Variants in PTPRK observed in about 807,000 individuals in gnomAD.
PTPRK encodes receptor-type tyrosine-protein phosphatase kappa.
Under a neutral mutation model 178.0 loss-of-function variants are expected in PTPRK, and 75 were observed. The ratio of observed to expected loss-of-function variants is 0.42; its 90% CI spans 0.35 to 0.51. The LOEUF (loss-of-function observed/expected upper bound fraction) is 0.51, where lower values mean the gene tolerates loss of function less well. Ranked by LOEUF, PTPRK falls within the 20% of genes least tolerant of loss-of-function variation. The probability of loss-of-function intolerance (pLI) is 0.02; values close to 1 mark genes in which losing one functional copy is unlikely to be tolerated. For synonymous variants in PTPRK, 637 were observed against 620.6 expected (o/e 1.03, Z -0.39); for missense variants, 1,441 against 1,797.8 (o/e 0.80, Z 3.59).
At chr6:128,132,234 G>A (rs1163497275) in intron 7 of PTPRK, among the ~76,000 whole-genome samples, 2 of 152,108 alleles carry the variant, frequency 1.3e-5, no homozygotes, top group African/African-American at 4.8e-5. Context: ...GAGTGCAGTG[G>A]CGCGATCTTG....
intron 27 of PTPRK, 133 bp downstream of exon 27, chr6:127,976,524 G>A (rs1259502912): frequency 5.4e-6 from 6 of 1,103,494 alleles, no homozygotes; most frequent in African/African-American, 4.8e-5. Flanking sequence ...GGCATAAGAT[G>A]GTTACTAGCT....
At position 128,474,203 on chromosome 6, in the gene PTPRK, A is replaced by C. The variant is rs9385460; in HGVS notation, c.100+46056T>G. 0.054 allele frequency among the ~76,000 whole-genome samples: 8,233 copies of C among 151,604 alleles called. 1,074 individuals are homozygous for C. In the East Asian group the frequency reaches 0.57, roughly 11 times the overall value. The stretch of plus-strand genomic sequence containing the variant: ...AAACAAACAAACAAACAAACAAACA[A>C]ACCCTGAAAGTCATGTTGTAAGAGA... On this transcript the variant is annotated intron_variant, in intron 1 of 29. Coordinates refer to ENST00000368226, the MANE Select transcript of PTPRK (RefSeq NM_002844.4).
chr6:128,346,834 A>C (rs1042917167), intron 2 of PTPRK, among the ~76,000 whole-genome samples: 1 of 152,132 alleles, frequency 6.6e-6, no homozygotes, highest in Non-Finnish European at 1.5e-5. Flanking sequence ...ACTAAACATA[A>C]GGCTTGACAC....
chr6:128,273,168 C>G (rs1260185753), intron 3 of PTPRK, among the ~76,000 whole-genome samples: 2 of 151,868 alleles, frequency 1.3e-5, no homozygotes, highest in African/African-American at 4.8e-5. Context: ...AACACTTGGA[C>G]ACAGGGTGGG....
In PTPRK at chr6:128,016,287, G is replaced by C. The variant is rs1393853721; in HGVS notation, c.2195-7019C>G. Among the ~76,000 whole-genome samples the C allele has an allele frequency of 3.3e-5, 5 of 151,814 alleles. No individual in the cohort carries two copies. In the East Asian group the frequency reaches 9.7e-4, roughly 29 times the overall value. Reference sequence around the variant, plus strand: ...GTTTTTATAGCAGGTTTGATGAAGGGTGACGTTATAAAGGACTATGATAGG... The same window carrying C: ...GTTTTTATAGCAGGTTTGATGAAGGCTGACGTTATAAAGGACTATGATAGG... On this transcript the variant is annotated intron_variant, in intron 13 of 29. Transcript: ENST00000368226.
chr6:128,087,009 A>G lies in PTPRK; in HGVS notation c.1465+2681T>C, dbSNP rs541099634. On this transcript the variant is annotated intron_variant, in intron 8 of 29. Transcript: ENST00000368226. ...ATAGTTAATGTCATTGTATTTTTAC[A>G]AAACTATTTTAGATAAGATAAATAG... Among the ~76,000 whole-genome samples the G allele has an allele frequency of 3.2e-3, 484 of 152,174 alleles. 1 individual carries two copies. Among genetic ancestry groups the G allele is most frequent in the African/African-American group, 0.011 (457 of 41,486 alleles).
chr6:128,300,268 TTGG>T (rs1218951058), intron 3 of PTPRK, among the ~76,000 whole-genome samples: 1 of 152,160 alleles, frequency 6.6e-6, no homozygotes, highest in African/African-American at 2.4e-5. Flanking sequence ...TTTTACACTC[TTGG>T]TGGGACTGTA....
At chr6:128,202,208 G>C (rs137967953) in intron 6 of PTPRK, among the ~76,000 whole-genome samples, 20 of 152,250 alleles carry the variant, frequency 1.3e-4, no homozygotes, top group African/African-American at 4.6e-4. Flanking sequence ...AAGCAGGGTG[G>C]GGCGATGGCC....
chr6:127,997,502 A>G (rs1162121716), intron 16 of PTPRK, among the ~76,000 whole-genome samples: 1 of 152,118 alleles, frequency 6.6e-6, no homozygotes, highest in African/African-American at 2.4e-5. Context: ...GACCATATAA[A>G]AATTAAAATA....
intron 7 of PTPRK, among the ~76,000 whole-genome samples, chr6:128,115,737 A>G (rs1024573229): frequency 2.6e-5 from 4 of 152,238 alleles, no homozygotes; most frequent in Admixed American, 2.6e-4. Context: ...TTATTAGTTT[A>G]TAACTTATAA....
At chr6:128,181,976 T>C (rs1240227819) in intron 7 of PTPRK, among the ~76,000 whole-genome samples, 2 of 152,128 alleles carry the variant, frequency 1.3e-5, no homozygotes, top group African/African-American at 4.8e-5. Flanking sequence ...ATAGTAACCA[T>C]GGTTTCTCTC....
chr6:128,395,328 C>T lies in PTPRK; in HGVS notation c.223+2238G>A, dbSNP rs1383291618. ...TCTGCATGATTAATTACTTAATGTC[C>T]TATTAATTGGAAGATATGGCTGAAT... is the stretch of plus-strand genomic sequence containing the variant. On this transcript the variant is annotated intron_variant, in intron 2 of 29. Coordinates refer to ENST00000368226, the MANE Select transcript of PTPRK (RefSeq NM_002844.4). Among the ~76,000 whole-genome samples, 3 of 152,118 alleles carry T rather than the reference C, an allele frequency of 2.0e-5. No individual in the cohort carries two copies. The East Asian group carries it at 5.8e-4, about 29-fold the overall frequency.
In PTPRK at chr6:128,252,363, T is replaced by C. The variant is rs189011450; in HGVS notation, c.496-9761A>G. ...ACTAGTTATTTAAATTAATTCTGCA[T>C]TCCTGAAATCTTGCACTTGTAAACG... On this transcript the variant is annotated intron_variant, in intron 3 of 29. Coordinates refer to ENST00000368226, the MANE Select transcript of PTPRK (RefSeq NM_002844.4). Among the ~76,000 whole-genome samples, 374 of 152,338 alleles carry C rather than the reference T, an allele frequency of 2.5e-3. 1 individual carries two copies. Among genetic ancestry groups the C allele is most frequent in the African/African-American group, 8.7e-3 (361 of 41,582 alleles).
chr6:128,219,539 G>A (rs1024745907), intron 5 of PTPRK, among the ~76,000 whole-genome samples: 3 of 152,178 alleles, frequency 2.0e-5, no homozygotes, highest in African/African-American at 7.2e-5. Flanking sequence ...CTGCTGTGTG[G>A]CCCTGTTCCT....
intron 1 of PTPRK, among the ~76,000 whole-genome samples, chr6:128,478,629 T>G (rs1369284764): frequency 6.6e-6 from 1 of 152,152 alleles, no homozygotes; most frequent in Admixed American, 6.6e-5. Flanking sequence ...GTTTTCTGTT[T>G]GTTTTTTAGC....
chr6:128,149,663 G>A (rs1796990345), intron 7 of PTPRK, among the ~76,000 whole-genome samples: 1 of 152,144 alleles, frequency 6.6e-6, no homozygotes, highest in Non-Finnish European at 1.5e-5. Context: ...TCTGCATGCA[G>A]AGTACTTGGT....
At position 128,106,757 on chromosome 6, in the gene PTPRK, G is replaced by T. The variant is rs533788436; in HGVS notation, c.1163-16765C>A. Among the ~76,000 whole-genome samples the T allele has an allele frequency of 2.0e-4, 30 of 152,124 alleles. No individual in the cohort carries two copies. In the South Asian group the frequency reaches 6.2e-3, roughly 32 times the overall value. Reference sequence around the variant, plus strand: ...AATTCTTTTGAATGTAAAACTATGGGGAGAATTGTTTAAAAAGTTTAGTCG... The same window carrying T: ...AATTCTTTTGAATGTAAAACTATGGTGAGAATTGTTTAAAAAGTTTAGTCG... On this transcript the variant is annotated intron_variant, in intron 7 of 29. Coordinates refer to ENST00000368226, the MANE Select transcript of PTPRK (RefSeq NM_002844.4).
chr6:128,341,685 A>T (rs1831680996), intron 2 of PTPRK, among the ~76,000 whole-genome samples: 1 of 152,184 alleles, frequency 6.6e-6, no homozygotes, highest in South Asian at 2.1e-4. Context: ...TCCTGCCATT[A>T]AAAAAGTAAA....
intron 11 of PTPRK, among the ~76,000 whole-genome samples, chr6:128,076,969 GA>G (rs1007960715): frequency 2.0e-5 from 3 of 151,898 alleles, no homozygotes; most frequent in South Asian, 2.1e-4. Context: ...AATGTTTGTG[GA>G]AAAAATTGAT....
Sources: allele counts gnomAD v4.1 joint callset (sites outside exome capture counted in the v4.1 genomes callset), GRCh38; gene constraint gnomAD v4.1.1; transcripts MANE v1.5; gene names NCBI Gene and HGNC (gene_info 2026-07-23, HGNC 2026-07-21).